The following MYO3A variants were observed in gnomAD, a reference collection of about 807,000 sequenced individuals.
MYO3A encodes the protein myosin IIIA.
In MYO3A, 180 loss-of-function variants were observed where a neutral mutation model predicts 192.7. That is an observed-to-expected ratio of 0.93 (90% CI 0.83 to 1.06). The LOEUF (loss-of-function observed/expected upper bound fraction) is 1.06. MYO3A is among the 50% of genes least tolerant of loss of function. The probability of loss-of-function intolerance (pLI) is 0.00; values close to 1 mark genes in which losing one functional copy is unlikely to be tolerated. For synonymous variants in MYO3A, 628 were observed against 645.3 expected (o/e 0.97, Z 0.41); for missense variants, 1,896 against 1,905.0 (o/e 1.00, Z 0.09).
intron 14 of MYO3A, among the ~76,000 whole-genome samples, chr10:26,080,695 A>G (rs1413028430): frequency 6.6e-6 from 1 of 151,852 alleles, no homozygotes; most frequent in Non-Finnish European, 1.5e-5. Context: ...ATCAGAGGGA[A>G]AGTCTAGGGC....
chr10:25,977,750 C>G (rs753832953), intron 4 of MYO3A, among the ~76,000 whole-genome samples: 53 of 152,180 alleles, frequency 3.5e-4, no homozygotes, highest in Admixed American at 2.0e-4. Flanking sequence ...GCCCTAAATA[C>G]TAGATGTTAA....
chr10:26,195,668 C>T (rs1329028033), intron 32 of MYO3A, among the ~76,000 whole-genome samples: 5 of 152,236 alleles, frequency 3.3e-5, no homozygotes, highest in African/African-American at 4.8e-5. Flanking sequence ...TGTCCACGAA[C>T]ATTTGTCCTT....
intron 7 of MYO3A, among the ~76,000 whole-genome samples, chr10:26,018,390 A>G (rs1380753419): frequency 2.0e-5 from 3 of 152,196 alleles, no homozygotes; most frequent in African/African-American, 7.2e-5. Flanking sequence ...AAGATATTCC[A>G]TATCTACCAC....
chr10:26,081,125 T>G, intron 14 of MYO3A, among the ~76,000 whole-genome samples: 1 of 120,622 alleles, frequency 8.3e-6, no homozygotes, highest in Admixed American at 8.7e-5. Context: ...CCCAAGATTA[T>G]ATGCCCTTCC....
chr10:26,177,616 C>T (rs927696852), intron 31 of MYO3A, among the ~76,000 whole-genome samples: 3 of 152,222 alleles, frequency 2.0e-5, no homozygotes, highest in Non-Finnish European at 2.9e-5. Context: ...GGAGCTGTCA[C>T]GGTAAAGTTC....
intron 34 of MYO3A, among the ~76,000 whole-genome samples, chr10:26,209,054 C>T (rs1326137154): frequency 6.6e-6 from 1 of 152,180 alleles, no homozygotes; most frequent in Non-Finnish European, 1.5e-5. Context: ...TTCCTCCTCT[C>T]TCCTCAAACC....
chr10:26,104,108 G>T (rs1837640393), intron 17 of MYO3A, among the ~76,000 whole-genome samples: 1 of 113,138 alleles, frequency 8.8e-6, no homozygotes, highest in Admixed American at 8.2e-5. Context: ...TCAGATGTCT[G>T]ATTTGCAAAA....
chr10:26,131,233 A>G (rs1337265537), intron 20 of MYO3A, among the ~76,000 whole-genome samples: 1 of 152,232 alleles, frequency 6.6e-6, no homozygotes, highest in East Asian at 1.9e-4. Flanking sequence ...ATTTCAGTGT[A>G]TTTGTAATAG....
chr10:25,991,111 T>C (rs1839999244), intron 4 of MYO3A, among the ~76,000 whole-genome samples: 1 of 152,302 alleles, frequency 6.6e-6, no homozygotes, highest in East Asian at 1.9e-4. Context: ...ATGGTTGAAC[T>C]AGTTTACAGT....
At chr10:26,139,502 G>A (rs1840034184) in intron 20 of MYO3A, among the ~76,000 whole-genome samples, 1 of 152,092 alleles carries the variant, frequency 6.6e-6, no homozygotes, top group Non-Finnish European at 1.5e-5. Context: ...GCCTCCCAAA[G>A]GATTAAAAAT....
At chr10:26,118,535 A>C (rs1226193446) in intron 17 of MYO3A, among the ~76,000 whole-genome samples, 1 of 152,160 alleles carries the variant, frequency 6.6e-6, no homozygotes, top group African/African-American at 2.4e-5. Context: ...GTTTCACAGG[A>C]TAACTAGACT....
intron 4 of MYO3A, among the ~76,000 whole-genome samples, chr10:25,993,136 C>T (rs1256973329): frequency 6.7e-6 from 1 of 149,088 alleles, no homozygotes; most frequent in African/African-American, 2.6e-5. Context: ...TCCATTTGGT[C>T]CTGGATTTTT....
In MYO3A at chr10:26,095,279, C is replaced by T. The variant is rs1836947109; in HGVS notation, c.1563-1102C>T. The stretch of plus-strand genomic sequence containing the variant: ...AGACAGCAAGTCCTTCTGGTTGAGA[C>T]ATAATTAATTTAACCACTGTAAAAG... On this transcript the variant is annotated intron_variant, in intron 15 of 34. Transcript: ENST00000642920. Among the ~76,000 whole-genome samples, 3 of 152,146 alleles carry T rather than the reference C, an allele frequency of 2.0e-5. No homozygotes were observed. In the South Asian group the frequency reaches 6.2e-4, roughly 32 times the overall value.
intron 17 of MYO3A, among the ~76,000 whole-genome samples, chr10:26,104,449 C>T (rs963946176): frequency 1.3e-4 from 20 of 152,076 alleles, no homozygotes; most frequent in African/African-American, 4.6e-4. Context: ...AAAGATTATC[C>T]TTTCCCCATT....
chr10:26,051,025 A>G (rs1176793643), intron 10 of MYO3A, among the ~76,000 whole-genome samples: 1 of 152,230 alleles, frequency 6.6e-6, no homozygotes, highest in Non-Finnish European at 1.5e-5. Flanking sequence ...TTGTTTGAAT[A>G]TGTAATCCGT....
chr10:25,944,581 TTTGTAA>T (rs1836715034), intron 2 of MYO3A, among the ~76,000 whole-genome samples: 1 of 152,108 alleles, frequency 6.6e-6, no homozygotes, highest in Non-Finnish European at 1.5e-5. Context: ...TTCAATCTCT[TTTGTAA>T]GTGATACCTC....
intron 10 of MYO3A, among the ~76,000 whole-genome samples, chr10:26,028,141 T>G (rs1173098920): frequency 6.6e-6 from 1 of 152,232 alleles, no homozygotes; most frequent in Non-Finnish European, 1.5e-5. Context: ...TAGGACTTCA[T>G]TATGTTATCT....
intron 6 of MYO3A, among the ~76,000 whole-genome samples, chr10:26,012,586 A>T (rs1011629538): frequency 3.9e-5 from 6 of 152,220 alleles, no homozygotes; most frequent in African/African-American, 1.2e-4. Context: ...AAAAGAAATC[A>T]TAGGTGACAC....
chr10:25,988,479 G>A (rs1267569700), intron 4 of MYO3A, among the ~76,000 whole-genome samples: 1 of 152,212 alleles, frequency 6.6e-6, no homozygotes, highest in East Asian at 1.9e-4. Flanking sequence ...TACACTGCTA[G>A]AGGGGCTGCA....
Sources: allele counts gnomAD v4.1 joint callset (sites outside exome capture counted in the v4.1 genomes callset), GRCh38; gene constraint gnomAD v4.1.1; transcripts MANE v1.5; gene names NCBI Gene and HGNC (gene_info 2026-07-23, HGNC 2026-07-21).